Variants in ALDH5A1 observed in about 807,000 individuals in gnomAD.
ALDH5A1 encodes the protein aldehyde dehydrogenase 5 family member A1, also known as succinate-semialdehyde dehydrogenase, mitochondrial.
A neutral mutation model predicts 54.7 loss-of-function variants in ALDH5A1; 33 were observed. That is an observed-to-expected ratio of 0.60 (90% CI 0.46 to 0.81). The LOEUF (loss-of-function observed/expected upper bound fraction) is 0.81. ALDH5A1 is among the 30% of genes least tolerant of loss of function. The pLI, the probability that ALDH5A1 is intolerant of heterozygous loss-of-function variation, is 0.00. For missense variants in ALDH5A1, 657 were observed against 711.0 expected (o/e 0.92, Z 0.86); for synonymous variants, 294 against 292.7 (o/e 1.00, Z -0.05).
At chr6:24,495,835 C>T (rs1764692759) in intron 1 of ALDH5A1, among the ~76,000 whole-genome samples, 2 of 152,114 alleles carry the variant, frequency 1.3e-5, no homozygotes, top group Non-Finnish European at 2.9e-5. Context: ...GGATCGGAAA[C>T]GGAGAGAACT....
At chr6:24,532,062 ACTGGTTTCCTTT>A (rs1426240262) in intron 8 of ALDH5A1, 45 bp from the exon 9 acceptor site, 2 of 1,523,696 alleles carry the variant, frequency 1.3e-6, no homozygotes, top group East Asian at 4.5e-5. Flanking sequence ...AGAAAACAAA[ACTGGTTTCCTTT>A]CCTCTCCCCC....
chr6:24,500,384 C>A (rs1002155101), intron 1 of ALDH5A1, among the ~76,000 whole-genome samples: 6 of 152,116 alleles, frequency 3.9e-5, no homozygotes, highest in African/African-American at 1.4e-4. Context: ...GGGAACAATA[C>A]TTGAAGACAC....
chr6:24,518,710 A>G lies in ALDH5A1; in HGVS notation c.871-1691A>G, dbSNP rs1759619484. ...CATTTGATTGCTGGAATATTAACATACAGACACATACACAGTACCCACACA... is the reference window on the plus strand; with the variant it reads ...CATTTGATTGCTGGAATATTAACATGCAGACACATACACAGTACCCACACA... On this transcript the variant is annotated intron_variant, in intron 5 of 9. Transcript: ENST00000357578. This position sits in a 1 kb window ranked among gnomAD's most constrained non-coding sequence, Gnocchi z 4.2. Among the ~76,000 whole-genome samples, 1 of 152,238 alleles carries G rather than the reference A, an allele frequency of 6.6e-6. No individual in the cohort carries two copies. The highest frequency in any genetic ancestry group is 1.5e-5 in the Non-Finnish European group (1 of 68,038).
rs1195575851 is a variant in ALDH5A1 at position 24,522,893 on chromosome 6, G to A, written c.1141G>A (p.Gly381Ser). 6.2e-7 allele frequency: 1 copy of A among 1,613,836 alleles called. No homozygotes were observed. Among genetic ancestry groups the A allele is most frequent in the Non-Finnish European group, 8.5e-7 (1 of 1,180,002 alleles). Residue 381 changes from glycine (G) to serine (S), a missense_variant, in exon 7 of 10, where the codon GGC becomes AGC. Around this residue, in one of 2 missense-constraint regions of ALDH5A1, gnomAD observed 425 missense variants for 516.4 expected, o/e 0.82. Transcript: ENST00000357578. ...TGGATTTGAGGAAGGAACTACTCAG[G>A]GCCCATTAATTAATGAAAAAGCGGT... ...GNGFEEGTTQ[G>S]PLINEKAVEK...
intron 7 of ALDH5A1, among the ~76,000 whole-genome samples, chr6:24,527,750 T>C (rs1260004285): frequency 6.6e-6 from 1 of 152,114 alleles, no homozygotes; most frequent in African/African-American, 2.4e-5. Flanking sequence ...GAATATATAT[T>C]AGACCATTCA....
chr6:24,507,254 G>A (rs1759375349), intron 4 of ALDH5A1, among the ~76,000 whole-genome samples: 1 of 152,032 alleles, frequency 6.6e-6, no homozygotes, highest in Non-Finnish European at 1.5e-5. Flanking sequence ...CTTAAATGTT[G>A]ACAGTAGTCT....
At chr6:24,503,202 C>T (rs563563585) in intron 2 of ALDH5A1, 61 bp from the exon 3 acceptor site, 1 of 1,579,966 alleles carries the variant, frequency 6.3e-7, no homozygotes, top group East Asian at 2.2e-5. Flanking sequence ...AATTTAGGAA[C>T]ACAGAGCCAT....
At chr6:24,531,018 T>C (rs915073660) in intron 8 of ALDH5A1, among the ~76,000 whole-genome samples, 5 of 152,244 alleles carry the variant, frequency 3.3e-5, no homozygotes, top group Admixed American at 1.3e-4. Context: ...GTCTTGCATT[T>C]TTGGTGCTAG....
intron 4 of ALDH5A1, among the ~76,000 whole-genome samples, chr6:24,508,781 A>G (rs1759409110): frequency 6.6e-6 from 1 of 152,140 alleles, no homozygotes; most frequent in Non-Finnish European, 1.5e-5. Flanking sequence ...ACTGACATCT[A>G]TTATTTTTTA....
chr6:24,495,549 A>G (rs911560949), intron 1 of ALDH5A1, among the ~76,000 whole-genome samples, 199 bp downstream of exon 1: 1 of 152,186 alleles, frequency 6.6e-6, no homozygotes, highest in South Asian at 2.1e-4. Context: ...GCCGGGCACT[A>G]GGGACACGAC....
intron 1 of ALDH5A1, 147 bp from the exon 2 acceptor site, chr6:24,502,376 C>T: frequency 4.2e-6 from 3 of 717,574 alleles, no homozygotes; most frequent in Middle Eastern, 3.7e-4. Flanking sequence ...ATCTGGGTCT[C>T]CCAGTCAAAT....
chr6:24,498,799 A>G (rs890898982), intron 1 of ALDH5A1, among the ~76,000 whole-genome samples: 1 of 152,066 alleles, frequency 6.6e-6, no homozygotes, highest in African/African-American at 2.4e-5. Flanking sequence ...CACTGTCTCT[A>G]CTAAAAATAC....
chr6:24,531,882 G>T (rs896281011), intron 8 of ALDH5A1: 131 of 558,690 alleles, frequency 2.3e-4, no homozygotes, highest in Middle Eastern at 1.4e-3. Context: ...ATGTTGGTCT[G>T]CTTTTTTCTT....
intron 4 of ALDH5A1, among the ~76,000 whole-genome samples, chr6:24,510,666 C>T (rs1424774208): frequency 2.0e-5 from 3 of 152,106 alleles, no homozygotes; most frequent in East Asian, 3.8e-4. Flanking sequence ...TGCCTTTTTC[C>T]ACCCCTTTAC....
rs146030895 is a variant in ALDH5A1, at chr6:24,527,400, T to C, written c.1174-597T>C. Among the ~76,000 whole-genome samples the C allele has an allele frequency of 2.9e-3, 437 of 152,102 alleles. 1 individual carries two copies. Among genetic ancestry groups the C allele is most frequent in the Admixed American group, 4.7e-3 (72 of 15,272 alleles). On this transcript the variant is annotated intron_variant, in intron 7 of 9. Transcript: ENST00000357578. ...CAGCCTGGCCAAGATGATGAAACCC[T>C]GTCTCTTCTAAAAATACAAAAATTA...
chr6:24,520,559 G>C lies in ALDH5A1; in HGVS notation c.1014+15G>C, dbSNP rs200295063. On this transcript the variant is annotated intron_variant, in intron 6 of 9. Coordinates refer to ENST00000357578, the MANE Select transcript of ALDH5A1 (RefSeq NM_001080.3). The stretch of plus-strand genomic sequence containing the variant: ...ACACTGGACAGGTGAGTCCTGGAGA[G>C]TATTTCAGGATGTGTGTTTGCGTGT... The C allele has an allele frequency of 6.2e-7, 1 of 1,613,844 alleles. No homozygotes were observed. Among genetic ancestry groups the C allele is most frequent in the Non-Finnish European group, 8.5e-7 (1 of 1,179,940 alleles).
In ALDH5A1 at chr6:24,502,529, A is replaced by G. The variant is rs764687138; in HGVS notation, c.361A>G (p.Ser121Gly). Residue 121 changes from serine to glycine, a missense_variant, in exon 2 of 10, where the codon AGT (serine) becomes GGT (glycine). By Grantham distance (56) the Ser-to-Gly change is moderately conservative. This residue lies in a region of ALDH5A1 where 232 missense variants were observed against 194.6 expected (regional missense o/e 1.19). Transcript: ENST00000357578. ...RWREVSAKER[S>G]SLLRKWYNLM... Reference sequence around the variant, plus strand: ...CTTGTTATTTCTTTTGCAGGAGAGGAGTTCATTACTTCGGAAGTGGTACAA... The same window carrying G: ...CTTGTTATTTCTTTTGCAGGAGAGGGGTTCATTACTTCGGAAGTGGTACAA... 6.2e-7 allele frequency: 1 copy of G among 1,609,436 alleles called. No individual in the cohort carries two copies. Among genetic ancestry groups the G allele is most frequent in the Admixed American group, 1.7e-5 (1 of 60,014 alleles).
chr6:24,505,112 A>C, intron 4 of ALDH5A1, 127 bp downstream of exon 4: 1 of 978,040 alleles, frequency 1.0e-6, no homozygotes, highest in Non-Finnish European at 1.6e-6. Context: ...GGTGTTGTGT[A>C]TTAATCTACT....
rs2127387936 is a variant in ALDH5A1, at chr6:24,522,766, G to C, written c.1015-1G>C. ...TGGGTTTGTTTTTGTCTCCTGTCCAGACTTGTGTTTGCTCAAACCAATTCT... is the reference window on the plus strand; with the variant it reads ...TGGGTTTGTTTTTGTCTCCTGTCCACACTTGTGTTTGCTCAAACCAATTCT... On this transcript the variant is annotated splice_acceptor_variant, in intron 6 of 9. Transcript: ENST00000357578. LOFTEE classifies it high-confidence loss of function. The C allele has an allele frequency of 3.1e-6, 5 of 1,613,758 alleles. No individual in the cohort carries two copies. Among genetic ancestry groups the C allele is most frequent in the Non-Finnish European group, 4.2e-6 (5 of 1,179,862 alleles).
Sources: allele counts gnomAD v4.1 joint callset (sites outside exome capture counted in the v4.1 genomes callset), GRCh38; gene constraint gnomAD v4.1.1; regional missense constraint gnomAD v4.1.1; non-coding constraint Gnocchi (gnomAD v3.1); transcripts MANE v1.5; gene names NCBI Gene and HGNC (gene_info 2026-07-23, HGNC 2026-07-21).